Variants in SLC35F4 observed in about 807,000 individuals in gnomAD.
The protein encoded by SLC35F4 is solute carrier family 35 member F4.
SLC35F4 carries 24 observed loss-of-function variants against 44.2 expected under a neutral mutation model. The ratio of observed to expected loss-of-function variants is 0.54; its 90% CI spans 0.39 to 0.76. The LOEUF is 0.76. Ranked by LOEUF, SLC35F4 falls within the 30% of genes least tolerant of loss-of-function variation. SLC35F4 has a pLI of 0.00. For missense variants in SLC35F4, 562 were observed against 586.1 expected, an observed-to-expected ratio of 0.96 and a Z score of 0.42; for synonymous variants, 238 against 223.6, an observed-to-expected ratio of 1.06 and a Z score of -0.57.
At chr14:57,777,171 T>C (rs1265101687) in intron 1 of SLC35F4, among the ~76,000 whole-genome samples, 1 of 152,234 alleles carries the variant, frequency 6.6e-6, no homozygotes, top group African/African-American at 2.4e-5. Context: ...ACTTTTACAC[T>C]GTTGGTGCGA....
chr14:57,917,727 C>T (rs558575560), intron 1 of SLC35F4, among the ~76,000 whole-genome samples: 22 of 151,932 alleles, frequency 1.4e-4, no homozygotes, highest in Non-Finnish European at 2.5e-4. Flanking sequence ...GGTACATGTA[C>T]AGGTTTGTTA....
At chr14:57,946,396 TTA>T (rs1890026660) in intron 1 of SLC35F4, among the ~76,000 whole-genome samples, 1 of 151,956 alleles carries the variant, frequency 6.6e-6, no homozygotes, top group Admixed American at 6.6e-5. Context: ...TTTCTCCACT[TTA>T]TGTTTTTGTT....
intron 1 of SLC35F4, among the ~76,000 whole-genome samples, chr14:57,656,413 A>G (rs897691281): frequency 6.7e-5 from 10 of 149,412 alleles, no homozygotes; most frequent in African/African-American, 2.5e-4. Flanking sequence ...ACACAGATAC[A>G]CATGATATAT....
chr14:57,607,197 G>T (rs761433927), intron 1 of SLC35F4, among the ~76,000 whole-genome samples: 1 of 152,114 alleles, frequency 6.6e-6, no homozygotes, highest in Non-Finnish European at 1.5e-5. Context: ...TAATCCTATG[G>T]CTCAGTTCAC....
chr14:57,911,566 C>T (rs1307977649), intron 1 of SLC35F4, among the ~76,000 whole-genome samples: 1 of 151,890 alleles, frequency 6.6e-6, no homozygotes, highest in Non-Finnish European at 1.5e-5. Context: ...CTTTGTTAGC[C>T]TGTTGATGTA....
intron 1 of SLC35F4, among the ~76,000 whole-genome samples, chr14:57,705,112 GAATT>G (rs1286974591): frequency 1.3e-5 from 2 of 152,150 alleles, no homozygotes; most frequent in Admixed American, 6.6e-5. Context: ...AGAATCAAAT[GAATT>G]AATATATGTT....
chr14:57,747,389 T>A (rs1031537178), intron 1 of SLC35F4, among the ~76,000 whole-genome samples: 1 of 152,198 alleles, frequency 6.6e-6, no homozygotes, highest in Non-Finnish European at 1.5e-5. Context: ...GGACTATGTC[T>A]TAAGTATATT....
At chr14:57,770,488 A>T (rs2077337476) in intron 1 of SLC35F4, among the ~76,000 whole-genome samples, 1 of 152,192 alleles carries the variant, frequency 6.6e-6, no homozygotes, top group African/African-American at 2.4e-5. Flanking sequence ...ATACTATCTC[A>T]ATGAACAAGT....
chr14:57,581,255 G>C lies in SLC35F4; in HGVS notation c.766C>G (p.Leu256Val). 1 of 1,606,544 alleles carries C rather than the reference G, an allele frequency of 6.2e-7. No homozygotes were observed. The highest frequency in any genetic ancestry group is 2.2e-5 in the East Asian group (1 of 44,790). ...CTGTCTTTCAGCACAATCCATGACA[G>C]CAAGAAGACAAAGGCTTTGTTACAA... is the stretch of plus-strand genomic sequence containing the variant. The part of the protein sequence containing the change: ...FCCNKAFVFL[L>V]SWIVLKDRFM... Residue 256 changes from leucine to valine, a missense_variant, in exon 4 of 8, where the codon CTG becomes GTG. By Grantham distance (32) the Leu-to-Val change is conservative. Coordinates refer to ENST00000556826, the MANE Select transcript of SLC35F4 (RefSeq NM_001306087.2).
chr14:57,776,963 G>C (rs940086880), intron 1 of SLC35F4, among the ~76,000 whole-genome samples: 14 of 152,180 alleles, frequency 9.2e-5, no homozygotes, highest in African/African-American at 3.4e-4. Context: ...ATGTGGAAAG[G>C]AAAGATGGTT....
At chr14:57,610,625 A>G (rs778696533) in intron 1 of SLC35F4, among the ~76,000 whole-genome samples, 31 of 152,178 alleles carry the variant, frequency 2.0e-4, no homozygotes, top group Admixed American at 1.2e-3. Context: ...TAATATACCA[A>G]TGAAATGTTG....
chr14:57,678,433 C>T (rs917216565), intron 1 of SLC35F4, among the ~76,000 whole-genome samples: 1 of 152,014 alleles, frequency 6.6e-6, no homozygotes, highest in African/African-American at 2.4e-5. Flanking sequence ...TTGTAAAGAT[C>T]ATCGATCCTA....
At chr14:57,621,448 T>A (rs889892951) in intron 1 of SLC35F4, among the ~76,000 whole-genome samples, 1 of 152,042 alleles carries the variant, frequency 6.6e-6, no homozygotes, top group African/African-American at 2.4e-5. Context: ...CAAAACAGCA[T>A]GGTACTGGTA....
intron 1 of SLC35F4, among the ~76,000 whole-genome samples, chr14:57,762,169 T>G (rs1249662769): frequency 6.6e-6 from 1 of 152,164 alleles, no homozygotes; most frequent in Non-Finnish European, 1.5e-5. Flanking sequence ...GCATTCCTGC[T>G]GCTAGGATTG....
At chr14:57,788,353 G>A (rs535716155) in intron 1 of SLC35F4, among the ~76,000 whole-genome samples, 1 of 152,062 alleles carries the variant, frequency 6.6e-6, no homozygotes, top group Non-Finnish European at 1.5e-5. Context: ...GCACTAGACA[G>A]GTCATCAAGA....
intron 1 of SLC35F4, among the ~76,000 whole-genome samples, chr14:57,675,673 T>C (rs1344956676): frequency 1.3e-5 from 2 of 152,088 alleles, no homozygotes; most frequent in African/African-American, 4.8e-5. Flanking sequence ...CTTTTATTAC[T>C]TTGAGGTAAG....
chr14:57,739,234 T>C (rs1050581213), intron 1 of SLC35F4, among the ~76,000 whole-genome samples: 1 of 152,162 alleles, frequency 6.6e-6, no homozygotes, highest in South Asian at 2.1e-4. Context: ...TCATAAAATC[T>C]CCATGAAACA....
At chr14:57,625,735 A>G (rs955286063) in intron 1 of SLC35F4, among the ~76,000 whole-genome samples, 5 of 152,184 alleles carry the variant, frequency 3.3e-5, no homozygotes, top group Non-Finnish European at 5.9e-5. Flanking sequence ...TGCTGGGAAA[A>G]CTGGCTAGCC....
At chr14:57,592,366 C>T (rs1305749214) in intron 2 of SLC35F4, among the ~76,000 whole-genome samples, 2 of 152,196 alleles carry the variant, frequency 1.3e-5, no homozygotes, top group South Asian at 4.1e-4. Context: ...TCATGGTGAG[C>T]TTCTTTTCAG....
Sources: allele counts gnomAD v4.1 joint callset (sites outside exome capture counted in the v4.1 genomes callset), GRCh38; gene constraint gnomAD v4.1.1; transcripts MANE v1.5; gene names NCBI Gene and HGNC (gene_info 2026-07-23, HGNC 2026-07-21).